TMEM255B: variants seen among roughly 807,000 people sequenced by gnomAD.
TMEM255B encodes the protein transmembrane protein 255B, also known as family with sequence similarity 70, member B.
In TMEM255B, 35 loss-of-function variants were observed where a neutral mutation model predicts 34.5. The observed-to-expected ratio is 1.01, with a 90% confidence interval of 0.77 to 1.34. The LOEUF (loss-of-function observed/expected upper bound fraction) is 1.34, where lower values mean the gene tolerates loss of function less well. TMEM255B is among the 40% of genes most tolerant of loss of function. The pLI, the probability that TMEM255B is intolerant of heterozygous loss-of-function variation, is 0.00. For synonymous variants in TMEM255B, 206 were observed against 201.2 expected (o/e 1.02, Z -0.20); for missense variants, 432 against 433.2 (o/e 1.00, Z 0.02).
chr13:113,786,098 C>T lies in TMEM255B; in HGVS notation c.253-9050C>T, dbSNP rs564574895. Among the ~76,000 whole-genome samples the T allele has an allele frequency of 7.2e-5, 11 of 152,310 alleles. No individual in the cohort carries two copies. The South Asian group carries it at 2.1e-3, about 29-fold the overall frequency. On this transcript the variant is annotated intron_variant, in intron 3 of 8. Coordinates refer to ENST00000375353, the MANE Select transcript of TMEM255B (RefSeq NM_182614.4). Reference sequence around the variant, plus strand: ...TGTAAAATGAATTCAAGCATCAAACCGTGAGGGCTCTGGACTTCGGGATTC... The same window carrying T: ...TGTAAAATGAATTCAAGCATCAAACTGTGAGGGCTCTGGACTTCGGGATTC...
At chr13:113,792,182 G>C (rs187063648) in intron 3 of TMEM255B, among the ~76,000 whole-genome samples, 154 of 152,380 alleles carry the variant, frequency 1.0e-3, no homozygotes, top group Middle Eastern at 6.8e-3. Flanking sequence ...TGTATTTTAC[G>C]TATTTATACC....
At chr13:113,804,240 C>T (rs1410878883) in intron 7 of TMEM255B, among the ~76,000 whole-genome samples, 2 of 152,190 alleles carry the variant, frequency 1.3e-5, no homozygotes, top group Non-Finnish European at 2.9e-5. Flanking sequence ...ATTTTAACTG[C>T]CTGAGTGAGT....
intron 3 of TMEM255B, among the ~76,000 whole-genome samples, chr13:113,781,153 T>C (rs2050660924): frequency 6.6e-6 from 1 of 152,244 alleles, no homozygotes; most frequent in Non-Finnish European, 1.5e-5. Flanking sequence ...GATCATAAGG[T>C]AAGATTTTTA....
chr13:113,811,246 G>A (rs2051295878), intron 8 of TMEM255B, among the ~76,000 whole-genome samples: 1 of 135,142 alleles, frequency 7.4e-6, no homozygotes, highest in Admixed American at 7.3e-5. Flanking sequence ...TCCTGGGTCT[G>A]TGGGGTGGGG....
rs896506817 is a variant in TMEM255B, at chr13:113,815,223, G to A, written c.*3320G>A. 3 of 152,164 alleles carry A rather than the reference G, an allele frequency of 2.0e-5. No individual in the cohort carries two copies. Among genetic ancestry groups the A allele is most frequent in the Non-Finnish European group, 2.9e-5 (2 of 68,144 alleles). 9.4% of individuals were successfully genotyped at this position (152,164 alleles called of 1,614,324 possible). On this transcript the variant is annotated 3_prime_UTR_variant, in exon 9 of 9. Coordinates refer to ENST00000375353, the MANE Select transcript of TMEM255B (RefSeq NM_182614.4). ...GAGGGACACAGTCCGTCCACATGGG[G>A]CCAACGGCCACAAAGAGAGGAAGGG...
rs116141811 is a variant in TMEM255B at position 113,777,463 on chromosome 13, G to A, written c.252+8303G>A. 9.0e-3 allele frequency among the ~76,000 whole-genome samples: 1,368 copies of A among 152,252 alleles called. 19 individuals are homozygous for A. Among genetic ancestry groups the A allele is most frequent in the African/African-American group, 0.032 (1,323 of 41,540 alleles). ...GTGGCGGAGGCTGCCAGCTCTACCC[G>A]CTGACTGTGCACCCCAGACTGCTGT... On this transcript the variant is annotated intron_variant, in intron 3 of 8. Transcript: ENST00000375353.
Position 113,799,387 on chromosome 13 carries a change from G to A in TMEM255B, c.391G>A (p.Val131Met), listed in dbSNP as rs369395059. 3 of 1,614,188 alleles carry A rather than the reference G, an allele frequency of 1.9e-6. No individual in the cohort carries two copies. The highest frequency in any genetic ancestry group is 2.5e-6 in the Non-Finnish European group (3 of 1,180,036). Residue 131 changes from valine to methionine, a missense_variant, in exon 5 of 9, where the codon GTG (valine) becomes ATG (methionine). Coordinates refer to ENST00000375353, the MANE Select transcript of TMEM255B (RefSeq NM_182614.4). ...TGRCQFYSSG[V>M]GYLYDVYQTE... ...AAGATGCCAGTTTTACTCCAGTGGG[G>A]TGGGGTACTTGTACGATGTCTACCA...
At chr13:113,790,856 A>G (rs553110019) in intron 3 of TMEM255B, among the ~76,000 whole-genome samples, 4 of 151,184 alleles carry the variant, frequency 2.6e-5, no homozygotes, top group Admixed American at 1.3e-4. Context: ...CCGGACACGT[A>G]GACATCCTAG....
At chr13:113,776,200 G>A (rs1363903284) in intron 3 of TMEM255B, among the ~76,000 whole-genome samples, 4 of 152,336 alleles carry the variant, frequency 2.6e-5, no homozygotes, top group African/African-American at 9.6e-5. Context: ...TTGGGAGAAG[G>A]GTGGGCACTG....
chr13:113,779,755 A>T (rs2050639022), intron 3 of TMEM255B, among the ~76,000 whole-genome samples: 1 of 152,212 alleles, frequency 6.6e-6, no homozygotes, highest in South Asian at 2.1e-4. Flanking sequence ...TGAAAACATT[A>T]TTTTGGAGAC....
rs533173699 is a variant in TMEM255B, at chr13:113,786,391, C to T, written c.253-8757C>T. 4.6e-5 allele frequency among the ~76,000 whole-genome samples: 7 copies of T among 152,220 alleles called. No individual in the cohort carries two copies. The South Asian group carries it at 6.2e-4, about 14-fold the overall frequency. On this transcript the variant is annotated intron_variant, in intron 3 of 8. Transcript: ENST00000375353. ...TCTTCACTGTCATCACCGTCACCAT[C>T]GTCACCATCCCCACTGTCATCACTG... is the stretch of plus-strand genomic sequence containing the variant.
chr13:113,782,683 G>GGGC (rs2050683804), intron 3 of TMEM255B, among the ~76,000 whole-genome samples: 1 of 151,464 alleles, frequency 6.6e-6, no homozygotes, highest in South Asian at 2.1e-4. Flanking sequence ...GGAGGGGGGG[G>GGGC]CTTCATTATG....
At position 113,814,834 on chromosome 13, in the gene TMEM255B, G is replaced by A. The variant is rs2051384937; in HGVS notation, c.*2931G>A. On this transcript the variant is annotated 3_prime_UTR_variant, in exon 9 of 9. Transcript: ENST00000375353. ...CAGTGAGACCCTGGAGGCCGCGGGA[G>A]ATGGGGTGGAGGGGATGGTGGGGCA... The A allele has an allele frequency of 7.1e-6, 1 of 141,386 alleles. No homozygotes were observed. The highest frequency in any genetic ancestry group is 2.6e-4 in the South Asian group (1 of 3,834). 8.8% of individuals were successfully genotyped at this position (141,386 alleles called of 1,614,324 possible).
chr13:113,764,215 C>T (rs1433548174), intron 1 of TMEM255B, among the ~76,000 whole-genome samples: 3 of 152,184 alleles, frequency 2.0e-5, no homozygotes, highest in Non-Finnish European at 4.4e-5. Context: ...TGTGTAGGTG[C>T]CAGGTCCTGG....
chr13:113,795,001 G>A, intron 3 of TMEM255B, 147 bp from the exon 4 acceptor site: 1 of 713,904 alleles, frequency 1.4e-6, no homozygotes, highest in Non-Finnish European at 2.4e-6. Context: ...CCTGGCCAGG[G>A]CTGGAAGTCA....
At chr13:113,795,584 C>G (rs1459584082) in intron 4 of TMEM255B, among the ~76,000 whole-genome samples, 1 of 147,406 alleles carries the variant, frequency 6.8e-6, no homozygotes. Context: ...GAGCACACAG[C>G]ACACACACCA....
intron 3 of TMEM255B, among the ~76,000 whole-genome samples, chr13:113,785,691 C>T (rs537222916): frequency 2.0e-5 from 3 of 152,304 alleles, no homozygotes; most frequent in East Asian, 1.9e-4. Context: ...GAAGTAGGAA[C>T]GGTTGCCGCT....
intron 3 of TMEM255B, among the ~76,000 whole-genome samples, chr13:113,777,199 C>T (rs9604522): frequency 0.025 from 3,836 of 152,218 alleles, 159 homozygotes; most frequent in African/African-American, 0.086. Context: ...ACCGGAGCCT[C>T]GGCATCTGTT....
chr13:113,762,643 G>A (rs919782128), intron 1 of TMEM255B, among the ~76,000 whole-genome samples: 2 of 152,206 alleles, frequency 1.3e-5, no homozygotes, highest in African/African-American at 4.8e-5. Context: ...GCATGTTACC[G>A]ATTGACTTGA....
Sources: gnomAD v4.1 joint callset for allele counts (sites outside exome capture counted in the v4.1 genomes callset) on GRCh38, gnomAD v4.1.1 for gene constraint, MANE v1.5 for transcripts, NCBI Gene and HGNC (gene_info 2026-07-23, HGNC 2026-07-21) for gene names.